The following SETBP1 variants were observed in gnomAD, a reference collection of about 807,000 sequenced individuals.
The protein encoded by SETBP1 is SET binding protein 1.
Under a neutral mutation model 101.0 loss-of-function variants are expected in SETBP1, and 9 were observed. That is an observed-to-expected ratio of 0.09 (90% CI 0.05 to 0.16). The LOEUF (loss-of-function observed/expected upper bound fraction) is 0.16, where lower values mean the gene tolerates loss of function less well. Among genes scored for constraint, SETBP1 ranks in the 10% least tolerant of loss-of-function variants. The probability of loss-of-function intolerance (pLI) is 1.00; values close to 1 mark genes in which losing one functional copy is unlikely to be tolerated. For missense variants in SETBP1, 1,858 were observed against 2,033.8 expected, an observed-to-expected ratio of 0.91 and a Z score of 1.66; for synonymous variants, 818 against 788.5, an observed-to-expected ratio of 1.04 and a Z score of -0.63.
intron 5 of SETBP1, among the ~76,000 whole-genome samples, chr18:45,061,542 G>A (rs2145587008): frequency 6.6e-6 from 1 of 152,152 alleles, no homozygotes; most frequent in South Asian, 2.1e-4. Flanking sequence ...ACTGACCTTT[G>A]GCCAAAAGCT....
Position 44,954,329 on chromosome 18 carries a change from T to TA in SETBP1, c.4000+1014dup, listed in dbSNP as rs5824565. On this transcript the variant is annotated intron_variant, in intron 4 of 5. Transcript: ENST00000649279. ...CTTCTTACCTAGGAGTTGCAGAAGC[T>TA]AAAAAAAAAAAAAAAAAAAAAAAAA... Among the ~76,000 whole-genome samples, 306 of 71,544 alleles carry TA rather than the reference T, an allele frequency of 4.3e-3. 4 individuals carry two copies. Among genetic ancestry groups the TA allele is most frequent in the Middle Eastern group, 7.9e-3 (1 of 126 alleles). The allele number at this position is 71,544 out of a possible 152,430, so 46.9% of individuals were successfully genotyped here. A position where few individuals can be genotyped will look rare whatever the true frequency, so the allele number is the denominator to read the frequency against.
chr18:44,862,481 A>G (rs1187026854), intron 2 of SETBP1, among the ~76,000 whole-genome samples: 1 of 152,104 alleles, frequency 6.6e-6, no homozygotes, highest in African/African-American at 2.4e-5. Flanking sequence ...GCTGGTGGGA[A>G]ACCACCCCCG....
chr18:44,873,647 G>A (rs1351448027), intron 3 of SETBP1, among the ~76,000 whole-genome samples: 2 of 152,044 alleles, frequency 1.3e-5, no homozygotes, highest in Non-Finnish European at 2.9e-5. Context: ...CTGGAGGCTT[G>A]GTGTGGTTTA....
intron 3 of SETBP1, chr18:44,871,371 C>T (rs1412205609): frequency 6.6e-6 from 1 of 152,268 alleles, no homozygotes; most frequent in Non-Finnish European, 1.5e-5. Context: ...CTTTGGGTTT[C>T]AGATGAAACT....
intron 3 of SETBP1, among the ~76,000 whole-genome samples, chr18:44,884,129 A>G (rs763255352): frequency 1.3e-5 from 2 of 152,210 alleles, no homozygotes; most frequent in Non-Finnish European, 2.9e-5. Context: ...AAGGCAAGGC[A>G]GTAGACTAGA....
rs936752253 is a variant in SETBP1 at position 45,063,713 on chromosome 18, T to C, written c.*15T>C. ...TCCTTCCCTAGGGCGGGTCTGGGCG[T>C]CTGCACCTGGGGCCTAGGGAACTGA... On this transcript the variant is annotated 3_prime_UTR_variant, in exon 6 of 6. Transcript: ENST00000649279. 3 of 1,600,314 alleles carry C rather than the reference T, an allele frequency of 1.9e-6. No individual in the cohort carries two copies.
intron 1 of SETBP1, among the ~76,000 whole-genome samples, chr18:44,687,063 C>T (rs909869100): frequency 2.6e-5 from 4 of 152,124 alleles, no homozygotes; most frequent in African/African-American, 9.7e-5. Flanking sequence ...AGTGCTTTTC[C>T]GCTCTTCAGT....
At chr18:44,907,405 A>G (rs773728571) in intron 3 of SETBP1, among the ~76,000 whole-genome samples, 10 of 152,206 alleles carry the variant, frequency 6.6e-5, no homozygotes, top group Non-Finnish European at 1.3e-4. Context: ...GTAATTTTAC[A>G]CTTAACTTTT....
At chr18:45,021,476 G>T (rs2073066871) in intron 4 of SETBP1, among the ~76,000 whole-genome samples, 1 of 152,090 alleles carries the variant, frequency 6.6e-6, no homozygotes. Flanking sequence ...TTCACCCTCT[G>T]TCATTATTAT....
At chr18:44,811,604 C>G (rs1456348411) in intron 2 of SETBP1, among the ~76,000 whole-genome samples, 1 of 152,222 alleles carries the variant, frequency 6.6e-6, no homozygotes, top group East Asian at 1.9e-4. Context: ...ACTATGACTG[C>G]TGAAGATAAC....
At chr18:45,050,657 A>T (rs553486725) in intron 5 of SETBP1, among the ~76,000 whole-genome samples, 5 of 152,358 alleles carry the variant, frequency 3.3e-5, no homozygotes, top group African/African-American at 1.2e-4. Context: ...TGATCGAAGG[A>T]ATGGAAATTT....
chr18:44,976,275 A>G (rs1400012782), intron 4 of SETBP1, among the ~76,000 whole-genome samples: 1 of 152,218 alleles, frequency 6.6e-6, no homozygotes, highest in Non-Finnish European at 1.5e-5. Flanking sequence ...CCTTGTTTAC[A>G]GTCCGTATTA....
intron 4 of SETBP1, among the ~76,000 whole-genome samples, chr18:45,000,460 G>GTA (rs2072594064): frequency 6.6e-6 from 1 of 152,160 alleles, no homozygotes; most frequent in Admixed American, 6.5e-5. Context: ...ACAGGGCATG[G>GTA]TAAGTGTAGG....
At chr18:44,931,409 T>C (rs775885270) in intron 3 of SETBP1, among the ~76,000 whole-genome samples, 15 of 152,210 alleles carry the variant, frequency 9.9e-5, no homozygotes, top group Admixed American at 2.0e-4. Flanking sequence ...GAAAAATGTA[T>C]ATTCTGTTGA....
chr18:44,735,942 G>A (rs1488219074), intron 2 of SETBP1, among the ~76,000 whole-genome samples: 2 of 152,212 alleles, frequency 1.3e-5, no homozygotes, highest in Non-Finnish European at 2.9e-5. Context: ...TTCAGCTGCT[G>A]TGGTGGGAGG....
rs189051889 is a variant in SETBP1, at chr18:45,019,433, A to G, written c.4001-19052A>G. On this transcript the variant is annotated intron_variant, in intron 4 of 5. Transcript: ENST00000649279. ...ATGGCTAAATCGAGCTAATTAACATACATTGACTCATGTATTTATCGTTTT... is the reference window on the plus strand; with the variant it reads ...ATGGCTAAATCGAGCTAATTAACATGCATTGACTCATGTATTTATCGTTTT... 3.2e-4 allele frequency among the ~76,000 whole-genome samples: 48 copies of G among 152,322 alleles called. No individual in the cohort carries two copies. The Middle Eastern group carries it at 0.014, about 43-fold the overall frequency.
chr18:44,952,076 G>A lies in SETBP1; in HGVS notation c.2736G>A (p.Lys912=), dbSNP rs1225073681. 3 of 1,613,926 alleles carry A rather than the reference G, an allele frequency of 1.9e-6. No individual in the cohort carries two copies. Among genetic ancestry groups the A allele is most frequent in the Admixed American group, 3.3e-5 (2 of 59,990 alleles). ...CCATTCCGTCCGACACCAGCACAAA[G>A]AACCGGCATGGCCACCGGCAAAAGC... is the stretch of plus-strand genomic sequence containing the variant. ...PEAIPSDTST[K]NRHGHRQKHL... The change falls in exon 4 of 6, where the codon AAG becomes AAA. Residue 912 remains lysine (K), a synonymous_variant. Coordinates refer to ENST00000649279, the MANE Select transcript of SETBP1 (RefSeq NM_015559.3).
rs1443593 is a variant in SETBP1, at chr18:44,875,950, A to G, written c.540+6667A>G. ...AACACAGACCAGTGTGACCACTGGT[A>G]AGTTCAGGACAAGTGGCTGCACCTT... is the stretch of plus-strand genomic sequence containing the variant. On this transcript the variant is annotated intron_variant, in intron 3 of 5. Coordinates refer to ENST00000649279, the MANE Select transcript of SETBP1 (RefSeq NM_015559.3). Among the ~76,000 whole-genome samples, 876 of 152,330 alleles carry G rather than the reference A, an allele frequency of 5.8e-3. 5 individuals are homozygous for G. The highest frequency in any genetic ancestry group is 0.02 in the African/African-American group (814 of 41,570).
intron 5 of SETBP1, among the ~76,000 whole-genome samples, chr18:45,049,104 A>C (rs545607061): frequency 6.6e-6 from 1 of 152,130 alleles, no homozygotes; most frequent in Admixed American, 6.5e-5. Flanking sequence ...AAATGAATAG[A>C]TCGAATAACA....
Sources: gnomAD v4.1 joint callset for allele counts (sites outside exome capture counted in the v4.1 genomes callset) on GRCh38, gnomAD v4.1.1 for gene constraint, MANE v1.5 for transcripts, NCBI Gene and HGNC (gene_info 2026-07-23, HGNC 2026-07-21) for gene names.